The following KDM2B variants were observed in gnomAD, a reference collection of about 807,000 sequenced individuals.
KDM2B encodes the protein lysine-specific demethylase 2B.
Under a neutral mutation model 150.0 loss-of-function variants are expected in KDM2B, and 26 were observed. The observed-to-expected ratio is 0.17, with a 90% CI of 0.13 to 0.24. KDM2B has a LOEUF of 0.24. Among genes scored for constraint, KDM2B ranks in the 10% least tolerant of loss-of-function variants. KDM2B has a pLI of 1.00. For missense variants in KDM2B, 1,265 were observed against 1,816.9 expected, an observed-to-expected ratio of 0.70 and a Z score of 5.52; for synonymous variants, 734 against 729.5, an observed-to-expected ratio of 1.01 and a Z score of -0.10.
intron 6 of KDM2B, among the ~76,000 whole-genome samples, chr12:121,544,207 T>C (rs990623521): frequency 1.3e-5 from 2 of 150,058 alleles, no homozygotes; most frequent in South Asian, 4.2e-4. Flanking sequence ...GAAGCTGAGG[T>C]AGGAGGAGTC....
At chr12:121,495,875 G>T (rs929242923) in intron 11 of KDM2B, among the ~76,000 whole-genome samples, 1 of 151,802 alleles carries the variant, frequency 6.6e-6, no homozygotes, top group African/African-American at 2.4e-5. Context: ...CCAAATTGTG[G>T]CAGAAAAATG....
chr12:121,500,394 GC>G lies in KDM2B; in HGVS notation c.1648-5730del, dbSNP rs1726083927. ...CGTGGGACCCTTTCTGCGGGAAACT[GC>G]CCCGTACTGGACCTGACGAGATAAC... On this transcript the variant is annotated intron_variant, in intron 11 of 22. Coordinates refer to ENST00000377071, the MANE Select transcript of KDM2B (RefSeq NM_032590.5). 2.0e-5 allele frequency among the ~76,000 whole-genome samples: 3 copies of G among 152,234 alleles called. No homozygotes were observed. The South Asian group carries it at 6.2e-4, about 32-fold the overall frequency.
chr12:121,456,985 A>G (rs1878342494), intron 12 of KDM2B, among the ~76,000 whole-genome samples: 1 of 152,212 alleles, frequency 6.6e-6, no homozygotes, highest in Non-Finnish European at 1.5e-5. Context: ...GAGTTGGTTC[A>G]ACAACAGAGC....
intron 6 of KDM2B, among the ~76,000 whole-genome samples, chr12:121,538,961 C>T (rs1372145485): frequency 6.6e-6 from 1 of 152,056 alleles, no homozygotes; most frequent in Non-Finnish European, 1.5e-5. Flanking sequence ...TCAAGGTCAC[C>T]AGAGTCCCCG....
chr12:121,549,475 G>C lies in KDM2B; in HGVS notation c.561C>G (p.Val187=), dbSNP rs782698680. The part of the protein sequence containing the change: ...EFSHTKLEHL[V]KRPTVVDLVD... ...CCGGACCTACCACAGTCGGACGCTTGACCAAGTGCTCCAGCTTGGTGTGGC... is the reference window on the plus strand; with the variant it reads ...CCGGACCTACCACAGTCGGACGCTTCACCAAGTGCTCCAGCTTGGTGTGGC... Residue 187 remains valine, a synonymous_variant, in exon 5 of 23, where the codon GTC becomes GTG. Coordinates refer to ENST00000377071, the MANE Select transcript of KDM2B (RefSeq NM_032590.5). The surrounding 1 kb of genome is among the most constrained non-coding windows in gnomAD (Gnocchi z 4.4). The C allele has an allele frequency of 4.4e-6, 7 of 1,602,612 alleles. No individual in the cohort carries two copies. The highest frequency in any genetic ancestry group is 6.0e-6 in the Non-Finnish European group (7 of 1,171,274).
chr12:121,576,151 G>A (rs982187925), intron 2 of KDM2B, among the ~76,000 whole-genome samples: 22 of 152,136 alleles, frequency 1.4e-4, no homozygotes, highest in African/African-American at 4.6e-4. Flanking sequence ...CGAGGGTTGG[G>A]GAGGAAGACT....
chr12:121,481,804 G>A (rs1036219597), intron 12 of KDM2B, among the ~76,000 whole-genome samples: 12 of 151,648 alleles, frequency 7.9e-5, no homozygotes, highest in Middle Eastern at 3.4e-3. Context: ...TTGAGACAGA[G>A]TTTTGCTCTT....
chr12:121,554,006 C>T (rs1188373264), intron 4 of KDM2B, among the ~76,000 whole-genome samples: 19 of 146,380 alleles, frequency 1.3e-4, no homozygotes, highest in African/African-American at 4.5e-4. Context: ...TTGAGATCAG[C>T]CTGGGTAATA....
rs1881709324 is a variant in KDM2B at position 121,478,866 on chromosome 12, T to TGTGTGTGTG, written c.1734+15712_1734+15713insCACACACAC. 6.9e-5 allele frequency among the ~76,000 whole-genome samples: 9 copies of TGTGTGTGTG among 131,216 alleles called. No individual in the cohort carries two copies. The East Asian group carries it at 1.7e-3, about 24-fold the overall frequency. 86.1% of individuals were successfully genotyped at this position (131,216 alleles called of 152,430 possible). ...CCACAACCGGCTAATTTTTGTTTGT[T>TGTGTGTGTG]TGTGTGTGTGTGTGTGTGTGTGTGT... On this transcript the variant is annotated intron_variant, in intron 12 of 22. Coordinates refer to ENST00000377071, the MANE Select transcript of KDM2B (RefSeq NM_032590.5).
chr12:121,481,178 G>A (rs1555297811), intron 12 of KDM2B, among the ~76,000 whole-genome samples: 4 of 151,870 alleles, frequency 2.6e-5, no homozygotes, highest in South Asian at 2.1e-4. Flanking sequence ...TGATCCACCC[G>A]CCTCAGCCTC....
intron 4 of KDM2B, among the ~76,000 whole-genome samples, chr12:121,571,674 A>G (rs1389646017): frequency 1.3e-5 from 2 of 148,324 alleles, no homozygotes; most frequent in East Asian, 4.0e-4. Flanking sequence ...TTTTTGAGAC[A>G]GTGTCTCACT....
chr12:121,440,570 C>T, intron 21 of KDM2B: 1 of 505,008 alleles, frequency 2.0e-6, no homozygotes, highest in Non-Finnish European at 3.5e-6. Flanking sequence ...ACACGCAGAG[C>T]CCCATGAGCG....
intron 12 of KDM2B, among the ~76,000 whole-genome samples, chr12:121,491,404 A>T (rs1883332002): frequency 6.6e-6 from 1 of 151,760 alleles, no homozygotes; most frequent in Admixed American, 6.6e-5. Flanking sequence ...GTGGTCATTT[A>T]TTTTCAGGGC....
chr12:121,481,537 G>A (rs1158066764), intron 12 of KDM2B, among the ~76,000 whole-genome samples: 9 of 151,222 alleles, frequency 6.0e-5, no homozygotes, highest in Non-Finnish European at 1.0e-4. Flanking sequence ...GAAAGAAGTC[G>A]GGGGGGTGGG....
In KDM2B at chr12:121,537,864, G is replaced by A. The variant is rs1276929380; in HGVS notation, c.684-3274C>T. ...GGGAGGCCACCCACACCCGCCCCGC[G>A]CAGCGCCACAAAGGAGGGGGCGCCC... is the stretch of plus-strand genomic sequence containing the variant. On this transcript the variant is annotated intron_variant, in intron 6 of 22. Transcript: ENST00000377071. The surrounding 1 kb of genome is among the most constrained non-coding windows in gnomAD (Gnocchi z 8.7). 2.0e-5 allele frequency among the ~76,000 whole-genome samples: 3 copies of A among 151,648 alleles called. No individual in the cohort carries two copies. Among genetic ancestry groups the A allele is most frequent in the Non-Finnish European group, 2.9e-5 (2 of 67,876 alleles).
chr12:121,449,817 C>T (rs1593783049), intron 13 of KDM2B, among the ~76,000 whole-genome samples: 1 of 152,142 alleles, frequency 6.6e-6, no homozygotes, highest in East Asian at 1.9e-4. Context: ...CTCACAAATT[C>T]CCCGAAATCC....
intron 12 of KDM2B, among the ~76,000 whole-genome samples, chr12:121,484,810 C>T (rs1294739472): frequency 6.6e-6 from 1 of 151,756 alleles, no homozygotes; most frequent in African/African-American, 2.4e-5. Context: ...AGAGCAAGAC[C>T]CTGTCTCAGA....
At position 121,466,079 on chromosome 12, in the gene KDM2B, G is replaced by A. The variant is rs553471416; in HGVS notation, c.1735-12735C>T. ...GTTAGGTAAAACCACTTAATACTACGTATAATACGATTTAAGCGCAGCCTA... is the reference window on the plus strand; with the variant it reads ...GTTAGGTAAAACCACTTAATACTACATATAATACGATTTAAGCGCAGCCTA... On this transcript the variant is annotated intron_variant, in intron 12 of 22. Coordinates refer to ENST00000377071, the MANE Select transcript of KDM2B (RefSeq NM_032590.5). Among the ~76,000 whole-genome samples the A allele has an allele frequency of 2.2e-3, 328 of 151,768 alleles. 2 individuals are homozygous for A. The highest frequency in any genetic ancestry group is 0.014 in the Middle Eastern group (4 of 294).
chr12:121,524,676 C>T (rs996054880), intron 8 of KDM2B: 1 of 454,134 alleles, frequency 2.2e-6, no homozygotes. Context: ...CCATCCATAC[C>T]CCTCCTCCGA....
Sources: gnomAD v4.1 joint callset for allele counts (sites outside exome capture counted in the v4.1 genomes callset) on GRCh38, gnomAD v4.1.1 for gene constraint, Gnocchi (gnomAD v3.1) non-coding constraint, MANE v1.5 for transcripts, NCBI Gene and HGNC (gene_info 2026-07-23, HGNC 2026-07-21) for gene names.